Variants in LMAN1 observed in about 807,000 individuals in gnomAD.
LMAN1 encodes protein ERGIC-53.
In LMAN1, 32 loss-of-function variants were observed where a neutral mutation model predicts 67.8. The observed-to-expected ratio is 0.47, with a 90% CI of 0.36 to 0.63. LMAN1 has a LOEUF of 0.63. Among genes scored for constraint, LMAN1 ranks in the 30% least tolerant of loss-of-function variants. LMAN1 has a pLI of 0.00. For synonymous variants in LMAN1, 235 were observed against 219.3 expected (o/e 1.07, Z -0.63); for missense variants, 632 against 628.2 (o/e 1.01, Z -0.06).
chr18:59,355,677 G>T lies in LMAN1; in HGVS notation c.215-19C>A, dbSNP rs572521029. 5 of 1,611,394 alleles carry T rather than the reference G, an allele frequency of 3.1e-6. No homozygotes were observed. The highest frequency in any genetic ancestry group is 1.3e-5 in the African/African-American group (1 of 74,956). ...ATAGCATCTAGAACAGAAATCAGGG[G>T]AAAAAAGCTTTAAGTTATAATTAGG... is the stretch of plus-strand genomic sequence containing the variant. On this transcript the variant is annotated intron_variant, in intron 1 of 12. Coordinates refer to ENST00000251047, the MANE Select transcript of LMAN1 (RefSeq NM_005570.4).
intron 4 of LMAN1, among the ~76,000 whole-genome samples, chr18:59,354,047 A>C (rs997641715): frequency 2.0e-5 from 3 of 152,238 alleles, no homozygotes; most frequent in Non-Finnish European, 4.4e-5. Context: ...TACGGAACCC[A>C]CAAATACAGA....
chr18:59,337,873 T>G (rs1381341653), intron 10 of LMAN1, among the ~76,000 whole-genome samples: 1 of 152,228 alleles, frequency 6.6e-6, no homozygotes, highest in Admixed American at 6.5e-5. Context: ...CACCTTGACA[T>G]TCTTGTTTGT....
rs746682801 is a variant in LMAN1 at position 59,349,132 on chromosome 18, AGCAGATATTC to A, written c.734_743del (p.Gly245ValfsTer16). On this transcript the variant is annotated frameshift_variant, in exon 6 of 13. Transcript: ENST00000251047. LOFTEE classifies it high-confidence loss of function. The stretch of plus-strand genomic sequence containing the variant: ...ATTTACCTGCAAGACCTCCAGTTGC[AGCAGATATTC>A]CAAAATGCCCTTGTGCAGGGATAAT... 5.0e-6 allele frequency: 8 copies of A among 1,613,998 alleles called. No individual in the cohort carries two copies. In the Admixed American group the frequency reaches 1.3e-4, roughly 27 times the overall value.
At position 59,349,103 on chromosome 18, in the gene LMAN1, C is replaced by A; in HGVS notation, c.763+10G>T. 6.2e-7 allele frequency: 1 copy of A among 1,613,984 alleles called. No homozygotes were observed. Among genetic ancestry groups the A allele is most frequent in the Non-Finnish European group, 8.5e-7 (1 of 1,179,886 alleles). ...ACAAACTTTTAATATCATCAGACTGCAAGATTTACCTGCAAGACCTCCAGT... is the reference window on the plus strand; with the variant it reads ...ACAAACTTTTAATATCATCAGACTGAAAGATTTACCTGCAAGACCTCCAGT... On this transcript the variant is annotated intron_variant, in intron 6 of 12. Coordinates refer to ENST00000251047, the MANE Select transcript of LMAN1 (RefSeq NM_005570.4).
intron 1 of LMAN1, among the ~76,000 whole-genome samples, chr18:59,357,537 A>G (rs1908687380): frequency 6.6e-6 from 1 of 152,218 alleles, no homozygotes; most frequent in African/African-American, 2.4e-5. Flanking sequence ...TATCAAGAAT[A>G]GAGATACCTT....
At chr18:59,345,744 C>T (rs189492729) in intron 8 of LMAN1, among the ~76,000 whole-genome samples, 175 bp downstream of exon 8, 25 of 152,266 alleles carry the variant, frequency 1.6e-4, no homozygotes, top group African/African-American at 5.3e-4. Flanking sequence ...GGTAAAAATG[C>T]CAATCTCTTG....
chr18:59,338,773 C>T lies in LMAN1; in HGVS notation c.1136G>A (p.Gly379Glu), dbSNP rs768125559. The T allele has an allele frequency of 2.5e-6, 4 of 1,613,946 alleles. No individual in the cohort carries two copies. Among genetic ancestry groups the T allele is most frequent in the Admixed American group, 1.7e-5 (1 of 60,010 alleles). The change falls in exon 9 of 13, where the codon GGG (glycine) becomes GAG (glutamate). Residue 379 changes from glycine to glutamate, a missense_variant. Physicochemically the swap from Gly to Glu is moderately conservative, Grantham distance 98 (BLOSUM62 -2). Transcript: ENST00000251047. ...CTGCAAGCCCACCTGCCCATGCTGC[C>T]CAGGCATTCCTGCTCCTCTTTTAGA... is the stretch of plus-strand genomic sequence containing the variant. ...EISKRGAGMP[G>E]QHGQITQQEL... is the part of the protein sequence containing the mutation.
chr18:59,355,828 CCCTT>C (rs1908649950), intron 1 of LMAN1, among the ~76,000 whole-genome samples, 170 bp from the exon 2 acceptor site: 1 of 152,108 alleles, frequency 6.6e-6, no homozygotes, highest in Non-Finnish European at 1.5e-5. Flanking sequence ...GCTAACACCT[CCCTT>C]ATCAAATAAA....
intron 10 of LMAN1, chr18:59,333,771 T>C (rs776333326): frequency 6.6e-6 from 1 of 151,848 alleles, no homozygotes. Context: ...TCAACAGTTA[T>C]GGTTCAATTT....
Position 59,355,527 on chromosome 18 carries a change from C to T in LMAN1, c.346G>A (p.Gly116Ser), listed in dbSNP as rs1908641964. Residue 116 changes from glycine (G) to serine (S), a missense_variant, in exon 2 of 13, where the codon GGT (glycine) becomes AGT (serine). Transcript: ENST00000251047. The part of the protein sequence containing the change: ...VEVTFRVTGR[G>S]RIGADGLAIW... ...ACTAGGCCATCAGCTCCAATTCGAC[C>T]TCTTCCAGTCACTCGAAATGTCACC... The T allele has an allele frequency of 1.2e-6, 2 of 1,614,012 alleles. No homozygotes were observed. Among genetic ancestry groups the T allele is most frequent in the South Asian group, 1.1e-5 (1 of 91,082 alleles).
intron 4 of LMAN1, 141 bp from the exon 5 acceptor site, chr18:59,353,442 C>T (rs906798730): frequency 1.5e-5 from 10 of 681,218 alleles, no homozygotes; most frequent in South Asian, 3.1e-5. Flanking sequence ...CACGAGACTA[C>T]ATGAGACTAA....
intron 5 of LMAN1, 92 bp downstream of exon 5, chr18:59,353,110 T>C: frequency 8.9e-7 from 1 of 1,128,300 alleles, no homozygotes; most frequent in Non-Finnish European, 1.3e-6. Flanking sequence ...CATATCCAAA[T>C]TTAAGTGCAT....
In LMAN1 at chr18:59,355,328, A is replaced by G. The variant is rs767539871; in HGVS notation, c.462T>C (p.Phe154=). ...ATAAATATACCTTTCCATCATTGTC[A>G]AAAGAATCAAAAAATATTCCAACAC... ...WNGVGIFFDS[F]DNDGKKNNPA... The change falls in exon 3 of 13, where the codon TTT becomes TTC. Residue 154 remains phenylalanine, a synonymous_variant. Transcript: ENST00000251047. 1 of 1,612,754 alleles carries G rather than the reference A, an allele frequency of 6.2e-7. No homozygotes were observed. Among genetic ancestry groups the G allele is most frequent in the South Asian group, 1.1e-5 (1 of 90,944 alleles).
At chr18:59,348,214 C>T (rs950596332) in intron 6 of LMAN1, among the ~76,000 whole-genome samples, 2 of 152,232 alleles carry the variant, frequency 1.3e-5, no homozygotes, top group Non-Finnish European at 2.9e-5. Context: ...CTAGTCACAT[C>T]CACCAATCAA....
At position 59,331,523 on chromosome 18, in the gene LMAN1, G is replaced by A. The variant is rs750667779; in HGVS notation, c.1391C>T (p.Pro464Leu). The change falls in exon 12 of 13, where the codon CCG becomes CTG. Residue 464 changes from proline (P) to leucine (L), a missense_variant. By Grantham distance (98) the Pro-to-Leu change is moderately conservative. Coordinates refer to ENST00000251047, the MANE Select transcript of LMAN1 (RefSeq NM_005570.4). ...VQRNMPSNEKPKCPELPPFPS... is the reference protein window; with the variant it reads ...VQRNMPSNEKLKCPELPPFPS... ...AAATGGTGGTAGTTCTGGGCATTTC[G>A]GCTTTTCATTTGATGGCTGTAAGGC... 9.9e-6 allele frequency: 16 copies of A among 1,612,966 alleles called. 1 individual carries two copies. In the East Asian group the frequency reaches 1.6e-4, roughly 16 times the overall value.
chr18:59,356,997 G>A (rs917384644), intron 1 of LMAN1, among the ~76,000 whole-genome samples: 4 of 152,108 alleles, frequency 2.6e-5, no homozygotes, highest in African/African-American at 9.7e-5. Flanking sequence ...AAGGTAAAGG[G>A]CTGTGTTTAA....
Position 59,345,978 on chromosome 18 carries a change from T to G in LMAN1, c.896A>C (p.Glu299Ala), listed in dbSNP as rs767075843. 3.1e-6 allele frequency: 5 copies of G among 1,613,988 alleles called. No individual in the cohort carries two copies. Among genetic ancestry groups the G allele is most frequent in the Non-Finnish European group, 4.2e-6 (5 of 1,179,960 alleles). ...YQEEFEHFQQ[E>A]LDKKKEEFQK... is the part of the protein sequence containing the mutation. ...GAATTCCTCTTTTTTTTTATCCAAT[T>G]CTTGTTGAAAGTGCTCAAATTCCTC... The change falls in exon 8 of 13, where the codon GAA becomes GCA. Residue 299 changes from glutamate (E) to alanine (A), a missense_variant. Transcript: ENST00000251047.
chr18:59,333,396 C>A, intron 10 of LMAN1, 152 bp from the exon 11 acceptor site: 6 of 606,362 alleles, frequency 9.9e-6, no homozygotes, highest in African/African-American at 1.9e-5. Context: ...GAGTTGTGTT[C>A]AAAATTGGAA....
chr18:59,353,027 C>A, intron 5 of LMAN1, 175 bp downstream of exon 5: 1 of 623,384 alleles, frequency 1.6e-6, no homozygotes, highest in South Asian at 1.7e-5. Flanking sequence ...CAGGGGTTTA[C>A]AACAGATGAC....
Sources: gnomAD v4.1 joint callset for allele counts (sites outside exome capture counted in the v4.1 genomes callset) on GRCh38, gnomAD v4.1.1 for gene constraint, MANE v1.5 for transcripts, NCBI Gene and HGNC (gene_info 2026-07-23, HGNC 2026-07-21) for gene names.